MGAT4C: variants seen among roughly 807,000 people sequenced by gnomAD.
MGAT4C encodes MGAT4 family member C.
A neutral mutation model predicts 40.1 loss-of-function variants in MGAT4C; 19 were observed. The observed-to-expected ratio is 0.47, with a 90% CI of 0.33 to 0.70. The LOEUF is 0.70. Among genes scored for constraint, MGAT4C ranks in the 30% least tolerant of loss-of-function variants. MGAT4C has a pLI of 0.02. For missense variants in MGAT4C, 491 were observed against 563.2 expected (o/e 0.87, Z 1.30); for synonymous variants, 181 against 187.1 (o/e 0.97, Z 0.27).
At chr12:86,764,253 G>A (rs1204231897) in intron 1 of MGAT4C, among the ~76,000 whole-genome samples, 19 of 152,220 alleles carry the variant, frequency 1.2e-4, no homozygotes, top group African/African-American at 3.4e-4. Flanking sequence ...ACGGAGTCTC[G>A]CTGATTGCTA....
chr12:86,743,020 C>A (rs986904221), intron 1 of MGAT4C, among the ~76,000 whole-genome samples: 1 of 138,510 alleles, frequency 7.2e-6, no homozygotes. Context: ...TGTGTGTATG[C>A]ATGTGTGTAT....
intron 3 of MGAT4C, among the ~76,000 whole-genome samples, chr12:86,405,942 AAATACATGTATGTATT>A (rs1555184613): frequency 0.65 from 73,318 of 112,880 alleles, 23,945 homozygotes; most frequent in Middle Eastern, 0.75. Flanking sequence ...ATACATTTAT[AAATACATGTATGTATT>A]TATATTATAC....
Position 86,553,505 on chromosome 12 carries a change from C to T in MGAT4C, c.-228-118240G>A, listed in dbSNP as rs183948239. Among the ~76,000 whole-genome samples the T allele has an allele frequency of 3.0e-4, 45 of 152,144 alleles. 1 individual carries two copies. The highest frequency in any genetic ancestry group is 2.9e-5 in the Non-Finnish European group (2 of 67,970). On this transcript the variant is annotated intron_variant, in intron 2 of 7. Coordinates refer to the MGAT4C transcript ENST00000548651. ...TTGTTCATAACTACTTCTTGCCACCCTCCTCACTATTATGTTATCACTCCC... is the reference window on the plus strand; with the variant it reads ...TTGTTCATAACTACTTCTTGCCACCTTCCTCACTATTATGTTATCACTCCC...
chr12:86,001,707 T>C, intron 2 of MGAT4C: 6 of 841,760 alleles, frequency 7.1e-6, no homozygotes, highest in Non-Finnish European at 8.6e-6. Flanking sequence ...ACTGGCTGAA[T>C]TGTAAATCTT....
chr12:86,487,111 T>C (rs1958033383), intron 2 of MGAT4C, among the ~76,000 whole-genome samples: 1 of 152,184 alleles, frequency 6.6e-6, no homozygotes, highest in Non-Finnish European at 1.5e-5. Flanking sequence ...GTCACGTCTT[T>C]CTCTCTCTGT....
At chr12:86,777,881 G>A (rs773465798) in intron 1 of MGAT4C, among the ~76,000 whole-genome samples, 3 of 152,084 alleles carry the variant, frequency 2.0e-5, no homozygotes, top group Non-Finnish European at 4.4e-5. Context: ...CTATATATAC[G>A]CAAACTACCT....
intron 2 of MGAT4C, among the ~76,000 whole-genome samples, chr12:86,563,110 A>T (rs1959945971): frequency 6.6e-6 from 1 of 152,106 alleles, no homozygotes; most frequent in South Asian, 2.1e-4. Context: ...CTTCACCAAT[A>T]CCTTGTGAAA....
chr12:86,048,950 T>C lies in MGAT4C; in HGVS notation c.-7+724A>G, dbSNP rs574092816. Among the ~76,000 whole-genome samples, 13 of 151,978 alleles carry C rather than the reference T, an allele frequency of 8.6e-5. No homozygotes were observed. In the South Asian group the frequency reaches 2.1e-3, roughly 24 times the overall value. On this transcript the variant is annotated intron_variant, in intron 2 of 4. Coordinates refer to ENST00000611864, the MANE Select transcript of MGAT4C (RefSeq NM_001351288.2). ...AATTACTGACAATCTAGATTCACAA[T>C]GGGGGAAATTATTTTTCAAGAGTAA...
intron 2 of MGAT4C, among the ~76,000 whole-genome samples, chr12:86,623,860 C>T (rs894097587): frequency 3.3e-5 from 5 of 152,142 alleles, no homozygotes; most frequent in African/African-American, 1.2e-4. Context: ...ATCCATTTCT[C>T]CCCAGCTATG....
At chr12:86,362,258 G>C (rs1246789469) in intron 3 of MGAT4C, among the ~76,000 whole-genome samples, 2 of 152,156 alleles carry the variant, frequency 1.3e-5, no homozygotes, top group Admixed American at 1.3e-4. Flanking sequence ...AACACTGCAT[G>C]TTCTCACTCA....
chr12:85,977,796 AC>A lies in MGAT4C; in HGVS notation c.*1492del, dbSNP rs1224760279. ...GTCTAGCCTTCACACACACACACAC[AC>A]ACACACACACACACACACACACACA... On this transcript the variant is annotated 3_prime_UTR_variant, in exon 5 of 5. Coordinates refer to ENST00000611864, the MANE Select transcript of MGAT4C (RefSeq NM_001351288.2). The A allele has an allele frequency of 5.1e-5, 6 of 118,370 alleles. No homozygotes were observed. In the East Asian group the frequency reaches 1.2e-3, roughly 23 times the overall value. The allele number at this position is 118,370 out of a possible 1,614,324, so 7.3% of individuals were successfully genotyped here.
At chr12:86,007,227 T>C (rs7314272) in intron 2 of MGAT4C, among the ~76,000 whole-genome samples, 68,013 of 151,882 alleles carry the variant, frequency 0.45, 16,085 homozygotes, top group African/African-American at 0.54. Context: ...GACTGCAATA[T>C]TTTGGGCAGC....
rs1309354760 is a variant in MGAT4C at position 85,974,483 on chromosome 12, CAT to C, written c.*4804_*4805del. Reference sequence around the variant, plus strand: ...GTATATATATACACAAATATACACACATATTCACATAATATTCAAGTATGTAT... The same window carrying C: ...GTATATATATACACAAATATACACACATTCACATAATATTCAAGTATGTAT... On this transcript the variant is annotated 3_prime_UTR_variant, in exon 5 of 5. Transcript: ENST00000611864. 6.6e-6 allele frequency: 1 copy of C among 150,450 alleles called. No homozygotes were observed. The highest frequency in any genetic ancestry group is 1.9e-4 in the East Asian group (1 of 5,166). The allele number at this position is 150,450 out of a possible 1,614,324, so 9.3% of individuals were successfully genotyped here.
intron 4 of MGAT4C, among the ~76,000 whole-genome samples, chr12:86,296,320 C>T (rs958489382): frequency 2.0e-5 from 3 of 152,110 alleles, no homozygotes; most frequent in African/African-American, 7.2e-5. Context: ...CCACCAGACT[C>T]AGGAGCCCAG....
At chr12:86,775,116 A>T (rs905985509) in intron 1 of MGAT4C, among the ~76,000 whole-genome samples, 1 of 152,194 alleles carries the variant, frequency 6.6e-6, no homozygotes, top group Non-Finnish European at 1.5e-5. Flanking sequence ...TGAAATAGAC[A>T]TTGCAACTGA....
At chr12:86,543,310 C>T (rs976258469) in intron 2 of MGAT4C, among the ~76,000 whole-genome samples, 3 of 150,972 alleles carry the variant, frequency 2.0e-5, no homozygotes, top group Non-Finnish European at 4.4e-5. Context: ...ATTTTATATA[C>T]CTTATTGGAA....
chr12:86,213,215 T>C (rs1308426405), intron 1 of MGAT4C, among the ~76,000 whole-genome samples: 2 of 150,088 alleles, frequency 1.3e-5, no homozygotes, highest in East Asian at 4.0e-4. Flanking sequence ...GCATCAGTGA[T>C]CTAAATTGAC....
At chr12:86,744,394 G>T (rs1255657895) in intron 1 of MGAT4C, among the ~76,000 whole-genome samples, 2 of 151,544 alleles carry the variant, frequency 1.3e-5, no homozygotes, top group African/African-American at 4.8e-5. Flanking sequence ...ACCTAGAATG[G>T]TAAACAGAGT....
intron 2 of MGAT4C, among the ~76,000 whole-genome samples, chr12:86,507,162 T>A (rs374529141): frequency 6.6e-6 from 1 of 152,166 alleles, no homozygotes; most frequent in African/African-American, 2.4e-5. Context: ...GATAAAAATG[T>A]CTCTCTGAGT....
Sources: gnomAD v4.1 joint callset for allele counts (sites outside exome capture counted in the v4.1 genomes callset) on GRCh38, gnomAD v4.1.1 for gene constraint, MANE v1.5 for transcripts, NCBI Gene and HGNC (gene_info 2026-07-23, HGNC 2026-07-21) for gene names.